CD274: variants seen among roughly 807,000 people sequenced by gnomAD.
The protein encoded by CD274 is programmed cell death 1 ligand 1.
Under a neutral mutation model 30.1 loss-of-function variants are expected in CD274, and 8 were observed. The ratio of observed to expected loss-of-function variants is 0.27; its 90% CI spans 0.16 to 0.48. The LOEUF is 0.48. CD274 is among the 20% of genes least tolerant of loss of function. The pLI is 0.99. For missense variants in CD274, 353 were observed against 346.6 expected (o/e 1.02, Z -0.15); for synonymous variants, 152 against 124.6 (o/e 1.22, Z -1.46).
In CD274 at chr9:5,470,155, T is replaced by A. The variant is rs1819565643; in HGVS notation, c.*2293T>A. ...TGTCAATGACAAGGAGTACCTTGGC[T>A]TTGCCACATGTCAAGGCTGAAGAAA... On this transcript the variant is annotated 3_prime_UTR_variant, in exon 7 of 7. Transcript: ENST00000381577. The A allele has an allele frequency of 4.3e-6, 1 of 232,988 alleles. No homozygotes were observed. Among genetic ancestry groups the A allele is most frequent in the Non-Finnish European group, 8.5e-6 (1 of 117,906 alleles). The allele number at this position is 232,988 out of a possible 1,614,324, so 14.4% of individuals were successfully genotyped here.
chr9:5,451,976 G>A (rs1000430255), intron 1 of CD274, among the ~76,000 whole-genome samples: 2 of 151,548 alleles, frequency 1.3e-5, no homozygotes, highest in African/African-American at 4.9e-5. Flanking sequence ...CCACCATGCA[G>A]GCCTCTTGCT....
intron 4 of CD274, among the ~76,000 whole-genome samples, 154 bp from the exon 5 acceptor site, chr9:5,465,345 C>T (rs1366662384): frequency 6.6e-6 from 1 of 152,216 alleles, no homozygotes; most frequent in Non-Finnish European, 1.5e-5. Context: ...CCCATTTTAA[C>T]ACAGGTATCT....
In CD274 at chr9:5,456,113, G is replaced by C. The variant is rs769220756; in HGVS notation, c.-1G>C. On this transcript the variant is annotated 5_prime_UTR_variant, in exon 2 of 7. Transcript: ENST00000381577. ...TTCCATAATTAGGGCATTCCAGAAA[G>C]ATGAGGATATTTGCTGTCTTTATAT... 1 of 1,603,104 alleles carries C rather than the reference G, an allele frequency of 6.2e-7. No homozygotes were observed. Among genetic ancestry groups the C allele is most frequent in the Non-Finnish European group, 8.5e-7 (1 of 1,170,474 alleles).
In CD274 at chr9:5,462,949, T is replaced by G. The variant is rs938766620; in HGVS notation, c.510T>G (p.Ser170Arg). ...YPKAEVIWTS[S>R]DHQVLSGKTT... ...AGGCCGAAGTCATCTGGACAAGCAG[T>G]GACCATCAAGTCCTGAGTGGTAAGA... is the stretch of plus-strand genomic sequence containing the variant. Residue 170 changes from serine to arginine, a missense_variant, in exon 4 of 7, where the codon AGT (serine) becomes AGG (arginine). Physicochemically the swap from Ser to Arg is moderately radical, Grantham distance 110. Transcript: ENST00000381577. The G allele has an allele frequency of 1.2e-6, 2 of 1,614,074 alleles. No homozygotes were observed. The highest frequency in any genetic ancestry group is 8.5e-7 in the Non-Finnish European group (1 of 1,179,948).
chr9:5,459,792 C>T (rs975817028), intron 3 of CD274, among the ~76,000 whole-genome samples: 19 of 152,098 alleles, frequency 1.2e-4, no homozygotes, highest in African/African-American at 4.1e-4. Context: ...TCAGAACCTT[C>T]AATGAGATTA....
intron 3 of CD274, among the ~76,000 whole-genome samples, chr9:5,461,131 A>G (rs192102659): frequency 1.3e-5 from 2 of 152,316 alleles, no homozygotes; most frequent in African/African-American, 4.8e-5. Flanking sequence ...GATGGTGTCA[A>G]TAATCTTGAG....
At chr9:5,453,609 T>G (rs1819246279) in intron 1 of CD274, among the ~76,000 whole-genome samples, 1 of 152,240 alleles carries the variant, frequency 6.6e-6, no homozygotes, top group Non-Finnish European at 1.5e-5. Flanking sequence ...AAGATGCTTA[T>G]GAATACCATG....
chr9:5,456,254 A>G (rs1187573400), intron 2 of CD274, 89 bp downstream of exon 2: 2 of 816,180 alleles, frequency 2.5e-6, no homozygotes, highest in Non-Finnish European at 4.1e-6. Context: ...AAATGCATGC[A>G]ATTTTCTTAT....
At chr9:5,464,991 G>A (rs1391733791) in intron 4 of CD274, among the ~76,000 whole-genome samples, 2 of 151,436 alleles carry the variant, frequency 1.3e-5, no homozygotes, top group East Asian at 3.9e-4. Context: ...GGAGACTGAG[G>A]CACAAGAATT....
At chr9:5,453,804 C>T (rs931708155) in intron 1 of CD274, among the ~76,000 whole-genome samples, 9 of 152,212 alleles carry the variant, frequency 5.9e-5, no homozygotes, top group Admixed American at 3.9e-4. Flanking sequence ...ACGTTTTAGG[C>T]TGTATGTCTT....
rs1255991560 is a variant in CD274, at chr9:5,468,408, A to G, written c.*546A>G. On this transcript the variant is annotated 3_prime_UTR_variant, in exon 7 of 7. Transcript: ENST00000381577. ...AAGATATATTGTAGTAGATGTTACA[A>G]TTTTGTCGCCAAACTAAACTTGCTG... is the stretch of plus-strand genomic sequence containing the variant. 1.3e-5 allele frequency: 3 copies of G among 233,374 alleles called. No homozygotes were observed. The highest frequency in any genetic ancestry group is 6.0e-5 in the East Asian group (1 of 16,588). The allele number at this position is 233,374 out of a possible 1,614,324, so 14.5% of individuals were successfully genotyped here.
Position 5,463,075 on chromosome 9 carries a change from G to A in CD274, c.636G>A (p.Arg212=), listed in dbSNP as rs922161094. The A allele has an allele frequency of 1.4e-5, 23 of 1,613,808 alleles. No homozygotes were observed. In the African/African-American group the frequency reaches 1.6e-4, roughly 11 times the overall value. The part of the protein sequence containing the change: ...TTNEIFYCTF[R]RLDPEENHTA... ...ATGAGATTTTCTACTGCACTTTTAG[G>A]AGATTAGATCCTGAGGAAAACCATA... is the stretch of plus-strand genomic sequence containing the variant. Residue 212 remains arginine (R), a synonymous_variant, in exon 4 of 7, where the codon AGG becomes AGA. Coordinates refer to ENST00000381577, the MANE Select transcript of CD274 (RefSeq NM_014143.4).
At position 5,463,159 on chromosome 9, in the gene CD274, ACTGT is replaced by A. The variant is rs775944856; in HGVS notation, c.682+40_682+43del. 2.0e-6 allele frequency: 3 copies of A among 1,510,000 alleles called. No homozygotes were observed. In the Admixed American group the frequency reaches 5.1e-5, roughly 25 times the overall value. The allele number at this position is 1,510,000 out of a possible 1,614,324, so 93.5% of individuals were successfully genotyped here. A position where few individuals can be genotyped will look rare whatever the true frequency, so the allele number is the denominator to read the frequency against. On this transcript the variant is annotated intron_variant, in intron 4 of 6. Transcript: ENST00000381577. ...ATGTGTCCATTAAAATATGTCTAAC[ACTGT>A]CCCCTAGCACCTAGCATGATGTCTG...
At chr9:5,454,435 G>T (rs997390026) in intron 1 of CD274, among the ~76,000 whole-genome samples, 2 of 151,682 alleles carry the variant, frequency 1.3e-5, no homozygotes, top group South Asian at 4.2e-4. Flanking sequence ...AGCAAAAGTG[G>T]ATTTCTGCTA....
In CD274 at chr9:5,465,508, T is replaced by G. The variant is rs1451791610; in HGVS notation, c.692T>G (p.Leu231Arg). The G allele has an allele frequency of 6.2e-7, 1 of 1,605,150 alleles. No individual in the cohort carries two copies. Among genetic ancestry groups the G allele is most frequent in the Admixed American group, 1.7e-5 (1 of 59,970 alleles). Residue 231 changes from leucine to arginine, a missense_variant, in exon 5 of 7, where the codon CTG becomes CGG. Coordinates refer to ENST00000381577, the MANE Select transcript of CD274 (RefSeq NM_014143.4). ...TTGTTTTGTTTTTCAGAACTACCTC[T>G]GGCACATCCTCCAAATGAAAGGACT... ...TAELVIPELP[L>R]AHPPNERTHL...
At chr9:5,455,164 A>G (rs1819278547) in intron 1 of CD274, among the ~76,000 whole-genome samples, 1 of 152,224 alleles carries the variant, frequency 6.6e-6, no homozygotes, top group Non-Finnish European at 1.5e-5. Context: ...CAAAGTTTGT[A>G]AATATATGTA....
At chr9:5,451,941 G>A (rs2131202611) in intron 1 of CD274, among the ~76,000 whole-genome samples, 1 of 151,904 alleles carries the variant, frequency 6.6e-6, no homozygotes, top group South Asian at 2.1e-4. Flanking sequence ...TCAGGCTCCA[G>A]AAGTCCTGGG....
intron 4 of CD274, 131 bp from the exon 5 acceptor site, chr9:5,465,368 C>G: frequency 1.7e-6 from 1 of 596,482 alleles, no homozygotes; most frequent in Non-Finnish European, 3.0e-6. Flanking sequence ...CCATTCCAGC[C>G]ACTCAAACTT....
In CD274 at chr9:5,468,568, A is replaced by G. The variant is rs576576820; in HGVS notation, c.*706A>G. On this transcript the variant is annotated 3_prime_UTR_variant, in exon 7 of 7. Coordinates refer to ENST00000381577, the MANE Select transcript of CD274 (RefSeq NM_014143.4). ...ATAGGATGTCACCTTTATTTAACCC[A>G]TTAATACTCTGGTTGACCTAATCTT... The G allele has an allele frequency of 6.0e-5, 14 of 233,034 alleles. No homozygotes were observed. The highest frequency in any genetic ancestry group is 2.5e-3 in the Middle Eastern group (2 of 786). The allele number at this position is 233,034 out of a possible 1,614,324, so 14.4% of individuals were successfully genotyped here. A position where few individuals can be genotyped will look rare whatever the true frequency, so the allele number is the denominator to read the frequency against.
Sources: allele counts gnomAD v4.1 joint callset (sites outside exome capture counted in the v4.1 genomes callset), GRCh38; gene constraint gnomAD v4.1.1; transcripts MANE v1.5; gene names NCBI Gene and HGNC (gene_info 2026-07-23, HGNC 2026-07-21).